The following MAP4K4 variants were observed in gnomAD, a reference collection of about 807,000 sequenced individuals.
The protein encoded by MAP4K4 is mitogen-activated protein kinase kinase kinase kinase 4, also known as HPK/GCK-like kinase HGK.
MAP4K4 carries 38 observed loss-of-function variants against 189.6 expected under a neutral mutation model. The observed-to-expected ratio is 0.20, with a 90% CI of 0.15 to 0.26. MAP4K4 has a LOEUF of 0.26. Among genes scored for constraint, MAP4K4 ranks in the 10% least tolerant of loss-of-function variants. The pLI is 1.00. For missense variants in MAP4K4, 1,054 were observed against 1,726.9 expected (o/e 0.61, Z 6.91); for synonymous variants, 610 against 624.3 (o/e 0.98, Z 0.34).
intron 2 of MAP4K4, among the ~76,000 whole-genome samples, chr2:101,771,052 A>G (rs2081202707): frequency 6.6e-6 from 1 of 152,236 alleles, no homozygotes; most frequent in South Asian, 2.1e-4. Flanking sequence ...CTAAAACAGT[A>G]TCTGCTTTTA....
intron 12 of MAP4K4, among the ~76,000 whole-genome samples, chr2:101,853,727 C>A (rs2149743088): frequency 6.6e-6 from 1 of 152,100 alleles, no homozygotes; most frequent in Non-Finnish European, 1.5e-5. Context: ...CACATACATA[C>A]ATATATACAT....
At chr2:101,761,912 A>C (rs12476714) in intron 2 of MAP4K4, among the ~76,000 whole-genome samples, 5 of 152,088 alleles carry the variant, frequency 3.3e-5, no homozygotes, top group African/African-American at 1.2e-4. Context: ...TCACCGAGCT[A>C]CATTCAGCGC....
In MAP4K4 at chr2:101,713,595, T is replaced by TA. The variant is rs35743081; in HGVS notation, c.123+15074dup. On this transcript the variant is annotated intron_variant, in intron 2 of 32. Transcript: ENST00000324219. ...TGGGGTGACAGAGTGAGACCTTGTC[T>TA]AAAAAAAAAAAAAAAAATGCTGGGT... is the stretch of plus-strand genomic sequence containing the variant. Among the ~76,000 whole-genome samples the TA allele has an allele frequency of 5.1e-3, 596 of 117,692 alleles. 4 individuals are homozygous for TA. The highest frequency in any genetic ancestry group is 0.044 in the Middle Eastern group (7 of 158). 77.2% of individuals were successfully genotyped at this position (117,692 alleles called of 152,430 possible).
intron 3 of MAP4K4, among the ~76,000 whole-genome samples, 189 bp from the exon 4 acceptor site, chr2:101,823,739 A>C (rs921773546): frequency 9.2e-5 from 14 of 152,078 alleles, no homozygotes; most frequent in Non-Finnish European, 8.8e-5. Flanking sequence ...CACGTCCTAT[A>C]ATCACACTTC....
In MAP4K4 at chr2:101,703,778, C is replaced by A. The variant is rs551161551; in HGVS notation, c.123+5240C>A. Among the ~76,000 whole-genome samples the A allele has an allele frequency of 9.9e-5, 15 of 151,944 alleles. No homozygotes were observed. In the South Asian group the frequency reaches 3.1e-3, roughly 32 times the overall value. The stretch of plus-strand genomic sequence containing the variant: ...CCTGTAATCCCAGCATTTTGGGAGG[C>A]CGAGGCGGGTGGATAACAAAGTCAG... On this transcript the variant is annotated intron_variant, in intron 2 of 32. Transcript: ENST00000324219.
At chr2:101,733,382 T>C (rs1424388575) in intron 2 of MAP4K4, among the ~76,000 whole-genome samples, 2 of 152,192 alleles carry the variant, frequency 1.3e-5, no homozygotes, top group East Asian at 3.8e-4. Flanking sequence ...ATTAGCTGCA[T>C]GGGGCCCAGA....
intron 2 of MAP4K4, among the ~76,000 whole-genome samples, chr2:101,709,360 G>A (rs1028696653): frequency 2.0e-5 from 3 of 152,126 alleles, no homozygotes; most frequent in Admixed American, 6.6e-5. Context: ...GAGCTACCAC[G>A]CCCAGCTAAT....
intron 21 of MAP4K4, among the ~76,000 whole-genome samples, chr2:101,868,774 G>A (rs916367275): frequency 1.3e-5 from 2 of 152,118 alleles, no homozygotes; most frequent in Non-Finnish European, 2.9e-5. Context: ...GTGAACAGTC[G>A]GTGAAGTGAG....
At chr2:101,892,047 A>G (rs1471191002) in exon 33 of MAP4K4, 2 of 150,452 alleles carry the variant, frequency 1.3e-5, no homozygotes, top group Admixed American at 6.7e-5. Flanking sequence ...AAACGTGTGC[A>G]TTTTGTATAA....
At chr2:101,806,693 T>C (rs1026384140) in intron 3 of MAP4K4, among the ~76,000 whole-genome samples, 4 of 152,200 alleles carry the variant, frequency 2.6e-5, no homozygotes, top group Non-Finnish European at 5.9e-5. Context: ...TGTTTCACTT[T>C]TAATGTGCCC....
intron 2 of MAP4K4, among the ~76,000 whole-genome samples, chr2:101,741,317 G>A (rs1424001006): frequency 9.2e-5 from 14 of 151,712 alleles, no homozygotes; most frequent in African/African-American, 3.1e-4. Context: ...ACAGGCGCCC[G>A]CCACCATGCC....
chr2:101,818,715 G>C (rs1337330440), intron 3 of MAP4K4, among the ~76,000 whole-genome samples: 1 of 152,142 alleles, frequency 6.6e-6, no homozygotes, highest in Non-Finnish European at 1.5e-5. Flanking sequence ...CTACTATGCA[G>C]ATGTTCTCCA....
intron 2 of MAP4K4, among the ~76,000 whole-genome samples, chr2:101,780,042 C>T (rs2086520162): frequency 6.6e-6 from 1 of 152,124 alleles, no homozygotes; most frequent in Non-Finnish European, 1.5e-5. Context: ...CTTGTTTTTA[C>T]AATAGTTCAG....
intron 2 of MAP4K4, among the ~76,000 whole-genome samples, chr2:101,783,208 C>CT (rs11413247): frequency 0.22 from 32,965 of 151,822 alleles, 8,208 homozygotes; most frequent in African/African-American, 0.61. Context: ...GTAAAATCAC[C>CT]ATTTTGTTGA....
chr2:101,711,003 G>T (rs1444759408), intron 2 of MAP4K4, among the ~76,000 whole-genome samples: 1 of 152,172 alleles, frequency 6.6e-6, no homozygotes, highest in Admixed American at 6.5e-5. Context: ...GTATCAGTTA[G>T]AAGTTAGCAT....
chr2:101,779,037 A>G (rs554118920), intron 2 of MAP4K4, among the ~76,000 whole-genome samples: 1 of 152,128 alleles, frequency 6.6e-6, no homozygotes, highest in Non-Finnish European at 1.5e-5. Flanking sequence ...GGTTGCAATG[A>G]CTTGCTGTAT....
chr2:101,761,957 A>G (rs2076661721), intron 2 of MAP4K4, among the ~76,000 whole-genome samples: 1 of 152,204 alleles, frequency 6.6e-6, no homozygotes, highest in African/African-American at 2.4e-5. Flanking sequence ...ATTGGAGAAC[A>G]GTGGGTTAGG....
intron 6 of MAP4K4, 95 bp from the exon 7 acceptor site, chr2:101,831,626 C>G (rs2096598058): frequency 7.5e-7 from 1 of 1,333,756 alleles, no homozygotes; most frequent in East Asian, 2.5e-5. Flanking sequence ...TTTCAGTTTA[C>G]TATGAAGACA....
At chr2:101,713,044 C>G (rs1405436777) in intron 2 of MAP4K4, among the ~76,000 whole-genome samples, 1 of 151,448 alleles carries the variant, frequency 6.6e-6, no homozygotes, top group East Asian at 2.0e-4. Context: ...GCTGGAATTA[C>G]AGGTACCTGC....
Sources: allele counts gnomAD v4.1 joint callset (sites outside exome capture counted in the v4.1 genomes callset), GRCh38; gene constraint gnomAD v4.1.1; transcripts MANE v1.5; gene names NCBI Gene and HGNC (gene_info 2026-07-23, HGNC 2026-07-21).